ZFR2: variants seen among roughly 807,000 people sequenced by gnomAD.
ZFR2 encodes the protein zinc finger RNA binding protein 2.
Under a neutral mutation model 105.7 loss-of-function variants are expected in ZFR2, and 104 were observed. The ratio of observed to expected loss-of-function variants is 0.98; its 90% CI spans 0.84 to 1.16. ZFR2 has a LOEUF of 1.16. Among genes scored for constraint, ZFR2 ranks in the 50% most tolerant of loss-of-function variants. The pLI is 0.00. For missense variants in ZFR2, 1,425 were observed against 1,355.5 expected, an observed-to-expected ratio of 1.05 and a Z score of -0.80; for synonymous variants, 634 against 597.7, an observed-to-expected ratio of 1.06 and a Z score of -0.89.
intron 16 of ZFR2, among the ~76,000 whole-genome samples, chr19:3,810,086 G>T (rs887526208): frequency 2.6e-5 from 4 of 152,200 alleles, no homozygotes; most frequent in Admixed American, 1.3e-4. Flanking sequence ...CACAGGCCCA[G>T]TGGGAGGGAC....
At chr19:3,859,648 C>T (rs1320193028) in intron 1 of ZFR2, among the ~76,000 whole-genome samples, 1 of 152,210 alleles carries the variant, frequency 6.6e-6, no homozygotes, top group Non-Finnish European at 1.5e-5. Context: ...GCCTCAGGGG[C>T]CAGAGAGACA....
At chr19:3,851,351 T>C (rs1187460869) in intron 1 of ZFR2, among the ~76,000 whole-genome samples, 1 of 152,194 alleles carries the variant, frequency 6.6e-6, no homozygotes, top group East Asian at 1.9e-4. Flanking sequence ...GAGTAATATG[T>C]GTTTGGTGAC....
chr19:3,819,998 G>A (rs953564178), intron 11 of ZFR2, among the ~76,000 whole-genome samples, 184 bp downstream of exon 11: 1 of 152,232 alleles, frequency 6.6e-6, no homozygotes. Flanking sequence ...GATCTCTGTG[G>A]CCAGTGGCAG....
Position 3,804,045 on chromosome 19 carries a change from C to T in ZFR2, c.*1904G>A, listed in dbSNP as rs550084587. On this transcript the variant is annotated 3_prime_UTR_variant, in exon 19 of 19. Transcript: ENST00000262961. ...AAAAGACAAATGATTTCCTTTATTC[C>T]CCCTGCCTCCCAATTTCCAGGTAGC... The T allele has an allele frequency of 6.6e-6, 1 of 152,476 alleles. No individual in the cohort carries two copies. Among genetic ancestry groups the T allele is most frequent in the African/African-American group, 2.4e-5 (1 of 41,568 alleles). 9.4% of individuals were successfully genotyped at this position (152,476 alleles called of 1,614,324 possible). A position where few individuals can be genotyped will look rare whatever the true frequency, so the allele number is the denominator to read the frequency against.
chr19:3,818,990 G>T (rs2037855703), intron 12 of ZFR2, 55 bp downstream of exon 12: 1 of 1,574,512 alleles, frequency 6.4e-7, no homozygotes, highest in South Asian at 1.2e-5. Flanking sequence ...GTCCCGAGGA[G>T]CTGACCTCTG....
intron 1 of ZFR2, among the ~76,000 whole-genome samples, chr19:3,853,317 G>A (rs2038261886): frequency 6.6e-6 from 1 of 152,180 alleles, no homozygotes; most frequent in Non-Finnish European, 1.5e-5. Flanking sequence ...ACAGTTTAGA[G>A]TCAGATGAAA....
rs748112789 is a variant in ZFR2, at chr19:3,823,344, T to C, written c.1273A>G (p.Lys425Glu). The change falls in exon 8 of 19, where the codon AAA becomes GAA. Residue 425 changes from lysine to glutamate, a missense_variant. Lys to Glu is a moderately conservative substitution (Grantham distance 56). Coordinates refer to ENST00000262961, the MANE Select transcript of ZFR2 (RefSeq NM_015174.2). The surrounding 1 kb of genome is among the most constrained non-coding windows in gnomAD (Gnocchi z 5.4). ...RPQWGKPAQP[K>E]LEGPGAPTQG... ...GTAGGTGCTCCGGGACCCTCTAATTTAGGTTGGGCTGGTTTCCCCCACTGG... is the reference window on the plus strand; with the variant it reads ...GTAGGTGCTCCGGGACCCTCTAATTCAGGTTGGGCTGGTTTCCCCCACTGG... 6.2e-7 allele frequency: 1 copy of C among 1,613,722 alleles called. No individual in the cohort carries two copies. Among genetic ancestry groups the C allele is most frequent in the African/African-American group, 1.3e-5 (1 of 74,918 alleles).
At chr19:3,854,542 G>A (rs72975111) in intron 1 of ZFR2, among the ~76,000 whole-genome samples, 1 of 152,070 alleles carries the variant, frequency 6.6e-6, no homozygotes, top group African/African-American at 2.4e-5. Context: ...ACCAAAAGTC[G>A]ATTATTCCAA....
intron 1 of ZFR2, among the ~76,000 whole-genome samples, chr19:3,848,492 C>T (rs1214898744): frequency 6.6e-6 from 1 of 151,902 alleles, no homozygotes; most frequent in African/African-American, 2.4e-5. Flanking sequence ...GGGAGGATCT[C>T]TTGAGCCCAA....
chr19:3,808,234 T>C (rs1322036198), intron 17 of ZFR2, among the ~76,000 whole-genome samples: 2 of 152,124 alleles, frequency 1.3e-5, no homozygotes, highest in East Asian at 1.9e-4. Flanking sequence ...TGCGTGCGTG[T>C]GCCCGTGTGT....
Position 3,819,178 on chromosome 19 carries a change from T to A in ZFR2, c.1798A>T (p.Ile600Phe), listed in dbSNP as rs2037859980. The change falls in exon 12 of 19, where the codon ATC (isoleucine) becomes TTC (phenylalanine). Residue 600 changes from isoleucine to phenylalanine, a missense_variant. Ile to Phe is a conservative substitution (Grantham distance 21, BLOSUM62 0). Transcript: ENST00000262961. ...DRHVMCKHAT[I>F]YPTEQELLAV... Reference sequence around the variant, plus strand: ...AGGAGCTCCTGCTCCGTGGGGTAGATGGTGGCGTGCTTGCACATGACGTGC... The same window carrying A: ...AGGAGCTCCTGCTCCGTGGGGTAGAAGGTGGCGTGCTTGCACATGACGTGC... 6.3e-7 allele frequency: 1 copy of A among 1,595,142 alleles called. No individual in the cohort carries two copies. Among genetic ancestry groups the A allele is most frequent in the South Asian group, 1.1e-5 (1 of 90,268 alleles).
At chr19:3,855,313 A>T in intron 1 of ZFR2, 1 of 1,169,598 alleles carries the variant, frequency 8.5e-7, no homozygotes, top group Non-Finnish European at 1.1e-6. Flanking sequence ...CTGAAAAAAA[A>T]AGTCATTAGA....
At position 3,813,836 on chromosome 19, in the gene ZFR2, G is replaced by A. The variant is rs1197520875; in HGVS notation, c.2226C>T (p.Asp742=). 6.2e-7 allele frequency: 1 copy of A among 1,613,846 alleles called. No individual in the cohort carries two copies. Among genetic ancestry groups the A allele is most frequent in the Non-Finnish European group, 8.5e-7 (1 of 1,179,860 alleles). Residue 742 remains aspartate (D), a synonymous_variant, in exon 14 of 19, where the codon GAC becomes GAT. Transcript: ENST00000262961. This position sits in a 1 kb window ranked among gnomAD's most constrained non-coding sequence, Gnocchi z 4.4. ...GGGCCGCACCTGGGTCTGTGGAGGGGTCCTCCCGCATCAGAGGTGAGGTGA... is the reference window on the plus strand; with the variant it reads ...GGGCCGCACCTGGGTCTGTGGAGGGATCCTCCCGCATCAGAGGTGAGGTGA... ...ISVTSPLMRE[D]PSTDPGVEEP...
In ZFR2 at chr19:3,838,655, C is replaced by A. The variant is rs145367669; in HGVS notation, c.54-3672G>T. Among the ~76,000 whole-genome samples, 903 of 152,312 alleles carry A rather than the reference C, an allele frequency of 5.9e-3. 3 individuals carry two copies. The highest frequency in any genetic ancestry group is 0.017 in the Middle Eastern group (5 of 294). On this transcript the variant is annotated intron_variant, in intron 1 of 18. Transcript: ENST00000262961. The surrounding 1 kb of genome is among the most constrained non-coding windows in gnomAD (Gnocchi z 4.9). ...CCACATCCCACCGATCCCATCCCCC[C>A]GTGTCTATGGCTCCCGTCCCCGCTG...
Position 3,825,614 on chromosome 19 carries a change from C to T in ZFR2, c.1036-207G>A, listed in dbSNP as rs187092497. Among the ~76,000 whole-genome samples the T allele has an allele frequency of 2.0e-5, 3 of 152,312 alleles. No individual in the cohort carries two copies. In the East Asian group the frequency reaches 5.8e-4, roughly 29 times the overall value. On this transcript the variant is annotated intron_variant, in intron 6 of 18. Coordinates refer to ENST00000262961, the MANE Select transcript of ZFR2 (RefSeq NM_015174.2). ...GGTGGCCTCCTGCCTTGCACACGTGCTTGTGACTTCTCTAGCACGGTGACA... is the reference window on the plus strand; with the variant it reads ...GGTGGCCTCCTGCCTTGCACACGTGTTTGTGACTTCTCTAGCACGGTGACA...
chr19:3,859,660 C>T (rs550253242), intron 1 of ZFR2, among the ~76,000 whole-genome samples: 3 of 152,348 alleles, frequency 2.0e-5, no homozygotes, highest in South Asian at 2.1e-4. Context: ...AGAGAGACAA[C>T]GTGCCCTGCC....
intron 17 of ZFR2, 115 bp downstream of exon 17, chr19:3,808,757 C>T (rs1026916397): frequency 2.2e-6 from 2 of 891,592 alleles, no homozygotes; most frequent in Non-Finnish European, 3.3e-6. Flanking sequence ...CGCACTCCTG[C>T]CTGGGCTGGA....
Position 3,868,949 on chromosome 19 carries a change from G to T in ZFR2, c.53+16C>A. 1 of 1,295,506 alleles carries T rather than the reference G, an allele frequency of 7.7e-7. No homozygotes were observed. The allele number at this position is 1,295,506 out of a possible 1,614,324, so 80.3% of individuals were successfully genotyped here. A position where few individuals can be genotyped will look rare whatever the true frequency, so the allele number is the denominator to read the frequency against. On this transcript the variant is annotated intron_variant, in intron 1 of 18. Transcript: ENST00000262961. ...GGGGCCGGGACTGGCGGGGGCTGGCGCGGCGGGGCAGTTACCTGTACTGCG... is the reference window on the plus strand; with the variant it reads ...GGGGCCGGGACTGGCGGGGGCTGGCTCGGCGGGGCAGTTACCTGTACTGCG...
intron 5 of ZFR2, among the ~76,000 whole-genome samples, chr19:3,828,524 A>G (rs1197332344): frequency 6.6e-6 from 1 of 152,196 alleles, no homozygotes; most frequent in Non-Finnish European, 1.5e-5. Context: ...CCCGAAGGAT[A>G]GTCACGTACA....
Sources: gnomAD v4.1 joint callset for allele counts (sites outside exome capture counted in the v4.1 genomes callset) on GRCh38, gnomAD v4.1.1 for gene constraint, Gnocchi (gnomAD v3.1) non-coding constraint, MANE v1.5 for transcripts, NCBI Gene and HGNC (gene_info 2026-07-23, HGNC 2026-07-21) for gene names.